Variants in SLC8A1 observed in about 807,000 individuals in gnomAD.
SLC8A1 encodes the protein sodium/calcium exchanger 1.
A neutral mutation model predicts 68.3 loss-of-function variants in SLC8A1; 18 were observed. The ratio of observed to expected loss-of-function variants is 0.26; its 90% CI spans 0.18 to 0.39. The LOEUF (loss-of-function observed/expected upper bound fraction) is 0.39. SLC8A1 is among the 10% of genes least tolerant of loss of function. SLC8A1 has a pLI of 1.00. For missense variants in SLC8A1, 985 were observed against 1,156.7 expected (o/e 0.85, Z 2.15); for synonymous variants, 475 against 415.5 (o/e 1.14, Z -1.74).
At chr2:40,310,680 G>T (rs1239503197) in intron 2 of SLC8A1, among the ~76,000 whole-genome samples, 1 of 151,976 alleles carries the variant, frequency 6.6e-6, no homozygotes, top group Non-Finnish European at 1.5e-5. Flanking sequence ...GCTCTAGAGG[G>T]GCTAAGAGAC....
chr2:40,253,341 T>TAC (rs1224334999), intron 2 of SLC8A1, among the ~76,000 whole-genome samples: 2 of 151,462 alleles, frequency 1.3e-5, no homozygotes, highest in African/African-American at 2.4e-5. Flanking sequence ...TGTATATATA[T>TAC]ACACACACAA....
In SLC8A1 at chr2:40,291,661, G is replaced by C. The variant is rs184710061; in HGVS notation, c.1809-113806C>G. Among the ~76,000 whole-genome samples, 55 of 152,192 alleles carry C rather than the reference G, an allele frequency of 3.6e-4. No individual in the cohort carries two copies. The East Asian group carries it at 8.7e-3, about 24-fold the overall frequency. On this transcript the variant is annotated intron_variant, in intron 2 of 7. Coordinates refer to ENST00000406785, the Ensembl canonical transcript of SLC8A1. ...CCACCTGCCAGTCCAGAGAAGTACT[G>C]CTAAAATCACCTCTGAAAGAACCAC... is the stretch of plus-strand genomic sequence containing the variant.
At chr2:40,247,843 G>A (rs1028183894) in intron 2 of SLC8A1, among the ~76,000 whole-genome samples, 1 of 152,108 alleles carries the variant, frequency 6.6e-6, no homozygotes, top group Non-Finnish European at 1.5e-5. Flanking sequence ...GGTCTTGCAG[G>A]TAATTAATTA....
chr2:40,343,340 A>G (rs990969865), intron 2 of SLC8A1, among the ~76,000 whole-genome samples: 1 of 152,132 alleles, frequency 6.6e-6, no homozygotes, highest in Non-Finnish European at 1.5e-5. Flanking sequence ...TGAACTTAAA[A>G]CTCAAGTTGT....
At chr2:40,314,443 T>C (rs546460895) in intron 2 of SLC8A1, among the ~76,000 whole-genome samples, 5 of 152,036 alleles carry the variant, frequency 3.3e-5, no homozygotes, top group African/African-American at 1.2e-4. Context: ...TGTTATCCTT[T>C]TGTTCTTTTT....
At chr2:40,390,609 C>T (rs1684959235) in intron 2 of SLC8A1, among the ~76,000 whole-genome samples, 1 of 152,058 alleles carries the variant, frequency 6.6e-6, no homozygotes, top group African/African-American at 2.4e-5. Context: ...TTCTGATGCC[C>T]CCTCAACTTG....
chr2:40,186,656 C>T (rs2050755978), intron 2 of SLC8A1, among the ~76,000 whole-genome samples: 1 of 152,066 alleles, frequency 6.6e-6, no homozygotes, highest in Non-Finnish European at 1.5e-5. Context: ...TCTATTGTTT[C>T]CTTTCTCGAA....
intron 2 of SLC8A1, among the ~76,000 whole-genome samples, chr2:40,298,999 G>A (rs895761541): frequency 6.6e-6 from 1 of 152,116 alleles, no homozygotes; most frequent in African/African-American, 2.4e-5. Context: ...AATGAACCTG[G>A]ATCTACTTGG....
intron 2 of SLC8A1, among the ~76,000 whole-genome samples, chr2:40,387,404 A>G (rs1683898740): frequency 6.6e-6 from 1 of 151,402 alleles, no homozygotes. Flanking sequence ...GCTTTTAATG[A>G]ACTGGCTAAA....
At chr2:40,336,807 T>G (rs891541898) in intron 2 of SLC8A1, among the ~76,000 whole-genome samples, 10 of 152,186 alleles carry the variant, frequency 6.6e-5, no homozygotes, top group African/African-American at 2.4e-4. Flanking sequence ...TATTATAGAC[T>G]GTGGTGTCAG....
At chr2:40,357,270 T>C (rs182595521) in intron 2 of SLC8A1, among the ~76,000 whole-genome samples, 1,957 of 152,116 alleles carry the variant, frequency 0.013, 18 homozygotes, top group Non-Finnish European at 0.021. Context: ...AGCAGGAGGA[T>C]CCCTTGAGCC....
chr2:40,370,442 T>C (rs562978361), intron 2 of SLC8A1, among the ~76,000 whole-genome samples: 2 of 152,226 alleles, frequency 1.3e-5, no homozygotes, highest in African/African-American at 2.4e-5. Context: ...CTCAGACTTG[T>C]GTGTTGGCCT....
At chr2:40,425,704 G>C (rs935493485) in intron 2 of SLC8A1, among the ~76,000 whole-genome samples, 10 of 151,898 alleles carry the variant, frequency 6.6e-5, no homozygotes. Context: ...GATAAGTTGG[G>C]TTTAATCTAC....
intron 2 of SLC8A1, among the ~76,000 whole-genome samples, chr2:40,359,123 C>A (rs1168454129): frequency 1.3e-5 from 2 of 152,054 alleles, no homozygotes; most frequent in East Asian, 3.9e-4. Flanking sequence ...GGGTATCTAG[C>A]ACGTACGCAG....
chr2:40,236,742 T>C (rs2060434786), intron 2 of SLC8A1, among the ~76,000 whole-genome samples: 3 of 152,160 alleles, frequency 2.0e-5, no homozygotes, highest in Non-Finnish European at 4.4e-5. Flanking sequence ...CTGGTACTGG[T>C]TGTTCCTTCC....
chr2:40,286,375 T>G (rs79761765), intron 2 of SLC8A1, among the ~76,000 whole-genome samples: 3 of 152,178 alleles, frequency 2.0e-5, no homozygotes, highest in Non-Finnish European at 4.4e-5. Flanking sequence ...CTCCTCTAGG[T>G]TGCCATTGCC....
At chr2:40,172,868 G>A (rs955405837) in intron 4 of SLC8A1, among the ~76,000 whole-genome samples, 11 of 152,146 alleles carry the variant, frequency 7.2e-5, no homozygotes, top group Non-Finnish European at 1.6e-4. Flanking sequence ...CTTGAACCCT[G>A]GAGGTGGAGG....
At chr2:40,315,516 C>T (rs916442261) in intron 2 of SLC8A1, among the ~76,000 whole-genome samples, 1 of 149,846 alleles carries the variant, frequency 6.7e-6, no homozygotes, top group Admixed American at 6.7e-5. Flanking sequence ...CTACATCCAA[C>T]TGGGTTAGTA....
At chr2:40,471,104 G>T (rs932560363) in intron 1 of SLC8A1, among the ~76,000 whole-genome samples, 1 of 152,134 alleles carries the variant, frequency 6.6e-6, no homozygotes, top group Non-Finnish European at 1.5e-5. Flanking sequence ...TTCACTGAAG[G>T]CTTGGTTTCT....
Sources: allele counts gnomAD v4.1 joint callset (sites outside exome capture counted in the v4.1 genomes callset), GRCh38; gene constraint gnomAD v4.1.1; transcripts MANE v1.5; gene names NCBI Gene and HGNC (gene_info 2026-07-23, HGNC 2026-07-21).